DKK4: variants seen among roughly 807,000 people sequenced by gnomAD.
The protein encoded by DKK4 is dickkopf Wnt signaling pathway inhibitor 4.
A neutral mutation model predicts 14.5 loss-of-function variants in DKK4; 15 were observed. That is an observed-to-expected ratio of 1.03 (90% CI 0.69 to 1.59). DKK4 has a LOEUF of 1.59. Among genes scored for constraint, DKK4 ranks in the 40% most tolerant of loss-of-function variants. The pLI is 0.00. For synonymous variants in DKK4, 89 were observed against 105.2 expected (o/e 0.85, Z 0.94); for missense variants, 272 against 280.3 (o/e 0.97, Z 0.21).
intron 1 of DKK4, 40 bp from the exon 2 acceptor site, chr8:42,375,870 C>T: frequency 1.2e-6 from 2 of 1,606,422 alleles, no homozygotes; most frequent in Non-Finnish European, 1.7e-6. Context: ...AGGAAACCCC[C>T]AACACGATGG....
At chr8:42,388,376 T>C in the DKK4 span, among the ~76,000 whole-genome samples, 3 of 151,044 alleles carry the variant, frequency 2.0e-5, no homozygotes, top group African/African-American at 7.3e-5. Context: ...ACTACAGGCA[T>C]GTGCCACCAT....
At chr8:42,378,904 CAA>C (rs1359545777), upstream of DKK4, among the ~76,000 whole-genome samples, 4 of 112,774 alleles carry the variant, frequency 3.5e-5, no homozygotes, top group Non-Finnish European at 5.0e-5. Flanking sequence ...CTCAGGAGTT[CAA>C]GACGAGCCTG....
chr8:42,388,716 G>C, the DKK4 span, among the ~76,000 whole-genome samples: 1 of 147,038 alleles, frequency 6.8e-6, no homozygotes. Flanking sequence ...GACTACAGGC[G>C]CACACCACCA....
the DKK4 span, among the ~76,000 whole-genome samples, chr8:42,387,344 CTTTTTTTTTTTTTTTTT>C: frequency 0.071 from 3,219 of 45,120 alleles, 180 homozygotes; most frequent in South Asian, 0.3. Context: ...GAAGGCCAGT[CTTTTTTTTTTTTTTTTT>C]TTTTTTTTTT....
chr8:42,389,136 G>A, the DKK4 span, among the ~76,000 whole-genome samples: 1 of 152,148 alleles, frequency 6.6e-6, no homozygotes, highest in Non-Finnish European at 1.5e-5. Flanking sequence ...GTAGAGATGG[G>A]GTTCAACATA....
the DKK4 span, among the ~76,000 whole-genome samples, chr8:42,386,806 G>T: frequency 6.6e-6 from 1 of 152,138 alleles, no homozygotes; most frequent in African/African-American, 2.4e-5. Context: ...TTTCTTTAAA[G>T]AAACGGAATT....
chr8:42,374,467 A>T, intron 3 of DKK4, 108 bp from the exon 4 acceptor site: 3 of 1,442,662 alleles, frequency 2.1e-6, no homozygotes, highest in Non-Finnish European at 1.9e-6. Flanking sequence ...CCACAAAGTA[A>T]AAACAGACAC....
the DKK4 span, among the ~76,000 whole-genome samples, chr8:42,382,927 T>C: frequency 1.3e-5 from 2 of 152,228 alleles, no homozygotes; most frequent in Non-Finnish European, 2.9e-5. Flanking sequence ...ACAGCTGCTG[T>C]GGTTCACGTC....
rs201291961 is a variant in DKK4, at chr8:42,374,147, G to A, written c.628C>T (p.Arg210Trp). The change falls in exon 4 of 4, where the codon CGG becomes TGG. Residue 210 changes from arginine (R) to tryptophan (W), a missense_variant. Arg to Trp is a moderately radical substitution (Grantham distance 101). Coordinates refer to ENST00000220812, the MANE Select transcript of DKK4 (RefSeq NM_014420.3). ...LLCRSQLTSN[R>W]QHARLRVCQK... Reference sequence around the variant, plus strand: ...CATACTCTTAATCGAGCATGCTGCCGATTGCTGGTCAATTGGCTTCGACAC... The same window carrying A: ...CATACTCTTAATCGAGCATGCTGCCAATTGCTGGTCAATTGGCTTCGACAC... 6.9e-5 allele frequency: 111 copies of A among 1,612,980 alleles called. No homozygotes were observed. The Middle Eastern group carries it at 9.3e-4, about 14-fold the overall frequency.
At chr8:42,379,370 TATATATATAGAGAGAGAGAGAGAGAG>T (rs1277916443), upstream of DKK4, among the ~76,000 whole-genome samples, 7 of 50,938 alleles carry the variant, frequency 1.4e-4, 1 homozygote, top group South Asian at 7.3e-4. Context: ...TATATATATA[TATATATATAGAGAGAGAGAGAGAGAG>T]AGAGAGAGAG....
At chr8:42,389,745 G>A in the DKK4 span, among the ~76,000 whole-genome samples, 1 of 152,110 alleles carries the variant, frequency 6.6e-6, no homozygotes, top group African/African-American at 2.4e-5. Flanking sequence ...TTAACCAATT[G>A]TTAACATTTT....
At chr8:42,375,195 C>T (rs575124134) in intron 2 of DKK4, among the ~76,000 whole-genome samples, 1 of 152,276 alleles carries the variant, frequency 6.6e-6, no homozygotes, top group Non-Finnish European at 1.5e-5. Flanking sequence ...AAATCATTAT[C>T]TCCAAGTCAT....
the DKK4 span, among the ~76,000 whole-genome samples, chr8:42,385,299 G>C: frequency 6.6e-6 from 1 of 152,076 alleles, no homozygotes; most frequent in Non-Finnish European, 1.5e-5. Context: ...GGCTGAGGCG[G>C]GAGGATCGCT....
chr8:42,374,135 G>A lies in DKK4; in HGVS notation c.640C>T (p.Arg214Ter). ...TCTATTTTTTGGCATACTCTTAATC[G>A]AGCATGCTGCCGATTGCTGGTCAAT... is the stretch of plus-strand genomic sequence containing the variant. ...SQLTSNRQHA[R>*]LRVCQKIEKL is the part of the protein sequence containing the mutation. Residue 214 changes from arginine to a stop codon, truncating the protein, a stop_gained, in exon 4 of 4, where the codon CGA becomes TGA. Coordinates refer to ENST00000220812, the MANE Select transcript of DKK4 (RefSeq NM_014420.3). LOFTEE classifies it high-confidence loss of function. 5 of 1,612,492 alleles carry A rather than the reference G, an allele frequency of 3.1e-6. No individual in the cohort carries two copies. Among genetic ancestry groups the A allele is most frequent in the South Asian group, 1.1e-5 (1 of 90,872 alleles).
chr8:42,377,079 AC>A lies in DKK4; in HGVS notation c.-35del, dbSNP rs769106385. ...CCCGGGGCTCCTGGAGGGTCCCAGC[AC>A]TGTGCGTCACCAAAGCGAGGCTGCT... On this transcript the variant is annotated 5_prime_UTR_variant, in exon 1 of 4. It adds an upstream start codon to the 5' untranslated region. Coordinates refer to ENST00000220812, the MANE Select transcript of DKK4 (RefSeq NM_014420.3). 19 of 1,575,756 alleles carry A rather than the reference AC, an allele frequency of 1.2e-5. No individual in the cohort carries two copies. In the South Asian group the frequency reaches 2.1e-4, roughly 18 times the overall value.
chr8:42,376,892 TGTC>T, intron 1 of DKK4, 40 bp downstream of exon 1: 1 of 1,501,840 alleles, frequency 6.7e-7, no homozygotes, highest in Non-Finnish European at 9.3e-7. Flanking sequence ...ACACCCCAGC[TGTC>T]AGCAGTCCCG....
At chr8:42,381,429 T>C (rs1439545569), upstream of DKK4, among the ~76,000 whole-genome samples, 4 of 152,280 alleles carry the variant, frequency 2.6e-5, no homozygotes, top group Admixed American at 2.0e-4. Context: ...CCGTTTTGCC[T>C]CTGAGAGACA....
chr8:42,377,408 G>T (rs1237708648), upstream of DKK4, among the ~76,000 whole-genome samples: 1 of 152,136 alleles, frequency 6.6e-6, no homozygotes, highest in Non-Finnish European at 1.5e-5. Flanking sequence ...CTCCTCCAGG[G>T]GTTCAATCCC....
chr8:42,376,644 G>A (rs1369405779), intron 1 of DKK4, among the ~76,000 whole-genome samples: 1 of 152,100 alleles, frequency 6.6e-6, no homozygotes, highest in Non-Finnish European at 1.5e-5. Context: ...AGTACATGAC[G>A]TATTACATGT....
Sources: allele counts gnomAD v4.1 joint callset (sites outside exome capture counted in the v4.1 genomes callset), GRCh38; gene constraint gnomAD v4.1.1; transcripts MANE v1.5; gene names NCBI Gene and HGNC (gene_info 2026-07-23, HGNC 2026-07-21).